ADAM23: variants seen among roughly 807,000 people sequenced by gnomAD.
ADAM23 encodes disintegrin and metalloproteinase domain-containing protein 23.
Under a neutral mutation model 120.1 loss-of-function variants are expected in ADAM23, and 33 were observed. The observed-to-expected ratio is 0.27, with a 90% CI of 0.21 to 0.37. ADAM23 has a LOEUF of 0.37. Among genes scored for constraint, ADAM23 ranks in the 10% least tolerant of loss-of-function variants. The pLI is 1.00. For missense variants in ADAM23, 862 were observed against 1,058.2 expected (o/e 0.81, Z 2.57); for synonymous variants, 367 against 375.2 (o/e 0.98, Z 0.25).
rs1256614044 is a variant in ADAM23, at chr2:206,444,047, C to G, written c.181C>G (p.Arg61Gly). 9.3e-6 allele frequency: 13 copies of G among 1,402,516 alleles called. No homozygotes were observed. Among genetic ancestry groups the G allele is most frequent in the South Asian group, 3.1e-5 (2 of 64,922 alleles). The allele number at this position is 1,402,516 out of a possible 1,614,324, so 86.9% of individuals were successfully genotyped here. The change falls in exon 1 of 26, where the codon CGG becomes GGG. Residue 61 changes from arginine to glycine, a missense_variant. This residue lies in a region of ADAM23 where 225 missense variants were observed against 204.0 expected (regional missense o/e 1.10). Transcript: ENST00000264377. ...LLLPPLAASS[R>G]PRAWGAAAPS... ...GCTGCCTCCGCTCGCCGCCTCGTCC[C>G]GGCCCCGCGCCTGGGGGGCTGCTGC...
At chr2:206,463,930 C>T (rs900567231) in intron 2 of ADAM23, among the ~76,000 whole-genome samples, 1 of 152,174 alleles carries the variant, frequency 6.6e-6, no homozygotes, top group East Asian at 1.9e-4. Context: ...TCTTTTGAGT[C>T]ATCAAATGAC....
intron 4 of ADAM23, among the ~76,000 whole-genome samples, chr2:206,540,268 C>G (rs1055183679): frequency 8.5e-5 from 12 of 141,744 alleles, no homozygotes; most frequent in South Asian, 2.3e-4. Context: ...CACACACACA[C>G]AGTTGTCCTT....
intron 3 of ADAM23, among the ~76,000 whole-genome samples, chr2:206,526,177 C>G (rs1033429105): frequency 1.4e-5 from 2 of 147,804 alleles, no homozygotes; most frequent in South Asian, 2.2e-4. Flanking sequence ...CACACACACA[C>G]ACAGACACAC....
chr2:206,552,501 T>C (rs1223640415), intron 9 of ADAM23, among the ~76,000 whole-genome samples: 1 of 152,184 alleles, frequency 6.6e-6, no homozygotes, highest in African/African-American at 2.4e-5. Context: ...CTTATTCTTA[T>C]GAATAATAAA....
chr2:206,476,503 C>CAT (rs1327296019), intron 2 of ADAM23, among the ~76,000 whole-genome samples: 1 of 152,116 alleles, frequency 6.6e-6, no homozygotes, highest in Non-Finnish European at 1.5e-5. Flanking sequence ...ATTAGAGTCT[C>CAT]ATAGGAGCAT....
Position 206,444,023 on chromosome 2 carries a change from C to T in ADAM23, c.157C>T (p.Leu53=), listed in dbSNP as rs1229245356. The T allele has an allele frequency of 2.1e-6, 3 of 1,411,736 alleles. No individual in the cohort carries two copies. The highest frequency in any genetic ancestry group is 2.8e-6 in the Non-Finnish European group (3 of 1,079,382). 87.5% of individuals were successfully genotyped at this position (1,411,736 alleles called of 1,614,324 possible). Residue 53 remains leucine (L), a synonymous_variant, in exon 1 of 26, where the codon CTG becomes TTG. Coordinates refer to ENST00000264377, the MANE Select transcript of ADAM23 (RefSeq NM_003812.4). ...CCGCCTGCTTCTCGTCCTTCTCCTG[C>T]TGCCTCCGCTCGCCGCCTCGTCCCG... is the stretch of plus-strand genomic sequence containing the variant. The part of the protein sequence containing the change: ...PCRLLLVLLL[L]PPLAASSRPR...
chr2:206,542,581 G>T (rs1219188165), intron 5 of ADAM23, among the ~76,000 whole-genome samples: 3 of 152,142 alleles, frequency 2.0e-5, no homozygotes, highest in Non-Finnish European at 2.9e-5. Context: ...TGACCTAGGG[G>T]TGGGCTCTAA....
At chr2:206,513,187 A>T (rs1349332309) in intron 3 of ADAM23, among the ~76,000 whole-genome samples, 1 of 152,238 alleles carries the variant, frequency 6.6e-6, no homozygotes, top group Admixed American at 6.5e-5. Context: ...ATTAAAAGGT[A>T]GGAATTACTA....
chr2:206,583,560 T>A (rs975803946), intron 18 of ADAM23, among the ~76,000 whole-genome samples: 1 of 152,194 alleles, frequency 6.6e-6, no homozygotes, highest in Non-Finnish European at 1.5e-5. Context: ...CATATTTTCT[T>A]ATTCTTTTTT....
chr2:206,499,193 A>G (rs1163179566), intron 3 of ADAM23, among the ~76,000 whole-genome samples: 2 of 152,084 alleles, frequency 1.3e-5, no homozygotes, highest in South Asian at 2.1e-4. Flanking sequence ...AGACACATGC[A>G]CACGTATGTT....
chr2:206,559,893 A>G, intron 10 of ADAM23, 62 bp from the exon 11 acceptor site: 2 of 1,453,168 alleles, frequency 1.4e-6, no homozygotes, highest in Non-Finnish European at 1.9e-6. Flanking sequence ...ACTCTGACTC[A>G]CTGATCGTGC....
rs1362085044 is a variant in ADAM23, at chr2:206,560,058, A to G, written c.1109A>G (p.His370Arg). The G allele has an allele frequency of 1.2e-6, 2 of 1,614,226 alleles. No individual in the cohort carries two copies. The highest frequency in any genetic ancestry group is 8.5e-7 in the Non-Finnish European group (1 of 1,180,026). ...ACCACCAACCCTGTGCAGATGCTCCATGAGTTCTCAAAATACCGGCAGCGC... is the reference window on the plus strand; with the variant it reads ...ACCACCAACCCTGTGCAGATGCTCCGTGAGTTCTCAAAATACCGGCAGCGC... ...DITTNPVQML[H>R]EFSKYRQRIK... Residue 370 changes from histidine to arginine, a missense_variant, in exon 11 of 26, where the codon CAT (histidine) becomes CGT (arginine). Coordinates refer to ENST00000264377, the MANE Select transcript of ADAM23 (RefSeq NM_003812.4).
At chr2:206,582,279 T>G (rs921999306) in intron 18 of ADAM23, among the ~76,000 whole-genome samples, 4 of 152,348 alleles carry the variant, frequency 2.6e-5, no homozygotes, top group African/African-American at 9.6e-5. Context: ...GGACAAGGCC[T>G]TTTACCATTA....
chr2:206,473,443 T>C (rs1695703128), intron 2 of ADAM23, among the ~76,000 whole-genome samples: 1 of 151,962 alleles, frequency 6.6e-6, no homozygotes, highest in South Asian at 2.1e-4. Context: ...TCTTTACAAA[T>C]AATATTTATG....
intron 4 of ADAM23, among the ~76,000 whole-genome samples, chr2:206,533,438 C>T (rs1360435527): frequency 1.3e-5 from 2 of 152,092 alleles, no homozygotes; most frequent in African/African-American, 2.4e-5. Context: ...CTGCTGACCT[C>T]GTGATCCACC....
rs182838539 is a variant in ADAM23 at position 206,494,874 on chromosome 2, T to C, written c.509+13566T>C. On this transcript the variant is annotated intron_variant, in intron 3 of 25. Transcript: ENST00000264377. ...ATGCACAAGCCTCAGTAACCAATGCTATCAACTGGAAGAAAGGGTATCAGC... is the reference window on the plus strand; with the variant it reads ...ATGCACAAGCCTCAGTAACCAATGCCATCAACTGGAAGAAAGGGTATCAGC... 2.2e-3 allele frequency among the ~76,000 whole-genome samples: 338 copies of C among 152,184 alleles called. 1 individual carries two copies. The highest frequency in any genetic ancestry group is 7.9e-3 in the African/African-American group (329 of 41,486).
chr2:206,477,897 A>AATATATATATATATATATAT (rs71034457), intron 2 of ADAM23, among the ~76,000 whole-genome samples: 39 of 93,552 alleles, frequency 4.2e-4, no homozygotes, highest in Admixed American at 1.3e-3. Flanking sequence ...AAAAAAAAAA[A>AATATATATATATATATATAT]ATATATATAT....
At chr2:206,584,256 G>A (rs187458042) in intron 18 of ADAM23, among the ~76,000 whole-genome samples, 198 of 152,270 alleles carry the variant, frequency 1.3e-3, no homozygotes, top group Middle Eastern at 6.8e-3. Context: ...TGTTCTGTTG[G>A]AGGTGGCAGA....
chr2:206,578,370 G>A (rs1268516464), intron 18 of ADAM23, among the ~76,000 whole-genome samples: 1 of 144,094 alleles, frequency 6.9e-6, no homozygotes. Flanking sequence ...TTCCCCCCAA[G>A]TCCCCAAAGT....
Sources: gnomAD v4.1 joint callset for allele counts (sites outside exome capture counted in the v4.1 genomes callset) on GRCh38, gnomAD v4.1.1 for gene constraint, gnomAD v4.1.1 regional missense constraint, MANE v1.5 for transcripts, NCBI Gene and HGNC (gene_info 2026-07-23, HGNC 2026-07-21) for gene names.